PPM1L: variants seen among roughly 807,000 people sequenced by gnomAD.
PPM1L encodes the protein protein phosphatase, Mg2+/Mn2+ dependent 1L.
PPM1L carries 13 observed loss-of-function variants against 31.4 expected under a neutral mutation model. The observed-to-expected ratio is 0.41, with a 90% CI of 0.27 to 0.66. PPM1L has a LOEUF of 0.66. PPM1L is among the 30% of genes least tolerant of loss of function. PPM1L has a pLI of 0.29. For synonymous variants in PPM1L, 184 were observed against 175.4 expected (o/e 1.05, Z -0.39); for missense variants, 326 against 453.7 (o/e 0.72, Z 2.56).
chr3:160,977,215 A>G (rs985270752), intron 2 of PPM1L, among the ~76,000 whole-genome samples: 1 of 152,152 alleles, frequency 6.6e-6, no homozygotes, highest in African/African-American at 2.4e-5. Flanking sequence ...GGCTTAGGCC[A>G]TTTCTGATGA....
Position 160,775,922 on chromosome 3 carries a change from A to G in PPM1L, c.399+19215A>G, listed in dbSNP as rs376296919. Among the ~76,000 whole-genome samples the G allele has an allele frequency of 9.2e-5, 14 of 152,356 alleles. 1 individual carries two copies. The highest frequency in any genetic ancestry group is 3.1e-4 in the African/African-American group (13 of 41,590). ...GCCTGGGGGGCAGAAACAGTGATTT[A>G]TAGACTTGAGATTTAGAACTCAAAC... On this transcript the variant is annotated intron_variant, in intron 1 of 3. Coordinates refer to ENST00000498165, the MANE Select transcript of PPM1L (RefSeq NM_139245.4).
intron 2 of PPM1L, among the ~76,000 whole-genome samples, chr3:161,015,439 GCTGA>G (rs1234503650): frequency 1.3e-5 from 2 of 152,292 alleles, no homozygotes; most frequent in East Asian, 3.9e-4. Context: ...TAATGCTGGT[GCTGA>G]CTGAGTTGAT....
intron 2 of PPM1L, among the ~76,000 whole-genome samples, chr3:161,045,834 A>G (rs369454453): frequency 1.9e-4 from 29 of 152,232 alleles, no homozygotes; most frequent in East Asian, 1.7e-3. Context: ...AATGAGGGCC[A>G]GGCGTGGTGG....
intron 1 of PPM1L, among the ~76,000 whole-genome samples, chr3:160,951,148 C>T (rs768753061): frequency 2.0e-5 from 3 of 152,178 alleles, no homozygotes; most frequent in Admixed American, 6.5e-5. Context: ...GGCTGAGTGC[C>T]GCTTGTTTTC....
intron 2 of PPM1L, among the ~76,000 whole-genome samples, chr3:161,009,009 C>T (rs1444826909): frequency 6.6e-6 from 1 of 152,062 alleles, no homozygotes; most frequent in Non-Finnish European, 1.5e-5. Flanking sequence ...GTGGAAGGAG[C>T]CCTGGGGTGC....
intron 1 of PPM1L, among the ~76,000 whole-genome samples, chr3:160,762,162 TTA>T (rs1309468083): frequency 3.3e-5 from 5 of 152,208 alleles, no homozygotes; most frequent in African/African-American, 1.2e-4. Flanking sequence ...TTTTCAGACA[TTA>T]TAGCTACTGT....
chr3:160,892,679 AAAG>A (rs1338301120), intron 1 of PPM1L, among the ~76,000 whole-genome samples: 5 of 152,282 alleles, frequency 3.3e-5, no homozygotes, highest in African/African-American at 4.8e-5. Flanking sequence ...AAGAAAAAAA[AAAG>A]AAATACGTTA....
At chr3:160,882,363 A>G (rs2108038698) in intron 1 of PPM1L, 1 of 152,334 alleles carries the variant, frequency 6.6e-6, no homozygotes, top group East Asian at 1.9e-4. Flanking sequence ...GAATAAATGA[A>G]GGAACATGTA....
At chr3:160,819,326 A>G (rs1713121364) in intron 1 of PPM1L, among the ~76,000 whole-genome samples, 1 of 152,056 alleles carries the variant, frequency 6.6e-6, no homozygotes, top group African/African-American at 2.4e-5. Flanking sequence ...AAGTTATAAA[A>G]ATCACTTGAT....
intron 1 of PPM1L, among the ~76,000 whole-genome samples, chr3:160,868,727 T>G (rs1289604209): frequency 6.6e-6 from 1 of 151,916 alleles, no homozygotes; most frequent in Non-Finnish European, 1.5e-5. Context: ...TTTTCAGTCA[T>G]GGTTTTACTT....
At chr3:160,929,088 TGAAA>T (rs1714696810) in intron 1 of PPM1L, among the ~76,000 whole-genome samples, 1 of 152,096 alleles carries the variant, frequency 6.6e-6, no homozygotes, top group Non-Finnish European at 1.5e-5. Flanking sequence ...ATTTGCTGAC[TGAAA>T]GAGTTTCAAC....
At chr3:161,031,003 C>A (rs1355366969) in intron 2 of PPM1L, among the ~76,000 whole-genome samples, 2 of 152,164 alleles carry the variant, frequency 1.3e-5, no homozygotes, top group African/African-American at 2.4e-5. Flanking sequence ...CCTACCCTCC[C>A]TCTTGAAAAG....
intron 1 of PPM1L, among the ~76,000 whole-genome samples, chr3:160,932,338 C>G (rs903977584): frequency 6.6e-6 from 1 of 152,154 alleles, no homozygotes; most frequent in Admixed American, 6.5e-5. Flanking sequence ...TTCCCAAATG[C>G]TGCATGACAT....
At chr3:161,064,479 C>T (rs1209298648) in intron 2 of PPM1L, among the ~76,000 whole-genome samples, 3 of 151,992 alleles carry the variant, frequency 2.0e-5, no homozygotes, top group East Asian at 1.9e-4. Context: ...AGGAAGGAAA[C>T]GTTAATGAAG....
chr3:160,904,101 T>C (rs1204254265), intron 1 of PPM1L, among the ~76,000 whole-genome samples: 1 of 152,194 alleles, frequency 6.6e-6, no homozygotes, highest in East Asian at 1.9e-4. Context: ...ATGATTATAA[T>C]GAGTCAGGTA....
intron 2 of PPM1L, among the ~76,000 whole-genome samples, chr3:161,054,369 C>T (rs1056804594): frequency 2.0e-5 from 3 of 151,196 alleles, no homozygotes; most frequent in East Asian, 1.9e-4. Flanking sequence ...TGACCTTGTA[C>T]TATGATGTCT....
chr3:160,880,785 T>G (rs1712685740), intron 1 of PPM1L, among the ~76,000 whole-genome samples: 1 of 152,180 alleles, frequency 6.6e-6, no homozygotes, highest in South Asian at 2.1e-4. Flanking sequence ...AAATTGACTT[T>G]CAGCATCTTG....
At chr3:160,884,853 C>G (rs1560138272) in intron 1 of PPM1L, among the ~76,000 whole-genome samples, 1 of 152,178 alleles carries the variant, frequency 6.6e-6, no homozygotes, top group Non-Finnish European at 1.5e-5. Flanking sequence ...GTTTGCTATG[C>G]TAATGAGTAG....
chr3:160,971,041 T>C (rs903757195), intron 2 of PPM1L, among the ~76,000 whole-genome samples: 11 of 152,152 alleles, frequency 7.2e-5, no homozygotes, highest in Non-Finnish European at 1.3e-4. Context: ...CTGTGGATTT[T>C]AAAAGCCAAA....
Sources: allele counts gnomAD v4.1 joint callset (sites outside exome capture counted in the v4.1 genomes callset), GRCh38; gene constraint gnomAD v4.1.1; transcripts MANE v1.5; gene names NCBI Gene and HGNC (gene_info 2026-07-23, HGNC 2026-07-21).